Variants in POU6F1 observed in about 807,000 individuals in gnomAD.
POU6F1 encodes the protein POU class 6 homeobox 1.
In POU6F1, 9 loss-of-function variants were observed where a neutral mutation model predicts 28.9. That is an observed-to-expected ratio of 0.31 (90% CI 0.19 to 0.54). The LOEUF (loss-of-function observed/expected upper bound fraction) is 0.54. POU6F1 is among the 20% of genes least tolerant of loss of function. The pLI is 0.94. For missense variants in POU6F1, 338 were observed against 426.1 expected (o/e 0.79, Z 1.82); for synonymous variants, 173 against 171.1 (o/e 1.01, Z -0.09).
At position 51,192,354 on chromosome 12, in the gene POU6F1, G is replaced by C. The variant is rs766659331; in HGVS notation, c.1297C>G (p.Pro433Ala). 2.6e-5 allele frequency: 42 copies of C among 1,614,054 alleles called. No homozygotes were observed. Among genetic ancestry groups the C allele is most frequent in the Non-Finnish European group, 3.4e-5 (40 of 1,180,036 alleles). Reference protein sequence around the residue: ...APIPITCSETPTVSQLVSKPH... With the variant: ...APIPITCSETATVSQLVSKPH... ...CTGGACACCAACTGGCTGACGGTGG[G>C]GGTCTCTGAGCAGGTAATTGGGATA... The change falls in exon 9 of 11, where the codon CCC becomes GCC. Residue 433 changes from proline (P) to alanine (A), a missense_variant. Transcript: ENST00000333640.
At position 51,214,774 on chromosome 12, in the gene POU6F1, C is replaced by T. The variant is rs1027804052; in HGVS notation, c.-48+2868G>A. Among the ~76,000 whole-genome samples, 3 of 151,842 alleles carry T rather than the reference C, an allele frequency of 2.0e-5. No homozygotes were observed. The East Asian group carries it at 5.8e-4, about 29-fold the overall frequency. On this transcript the variant is annotated intron_variant, in intron 1 of 10. Coordinates refer to ENST00000333640, the MANE Select transcript of POU6F1 (RefSeq NM_001330422.2). ...CCAACATGGTGCAACCCTATCTCTACCAAAACATAACAAACCCAAACAAAC... is the reference window on the plus strand; with the variant it reads ...CCAACATGGTGCAACCCTATCTCTATCAAAACATAACAAACCCAAACAAAC...
intron 1 of POU6F1, among the ~76,000 whole-genome samples, chr12:51,213,402 CAG>C (rs1419204925): frequency 6.6e-5 from 10 of 152,048 alleles, no homozygotes; most frequent in Admixed American, 6.6e-4. Flanking sequence ...TTTTCAGAGA[CAG>C]GGTCTTTCCA....
At position 51,199,432 on chromosome 12, in the gene POU6F1, C is replaced by T. The variant is rs1254568450; in HGVS notation, c.366+315G>A. Among the ~76,000 whole-genome samples the T allele has an allele frequency of 1.3e-5, 2 of 152,148 alleles. No homozygotes were observed. Among genetic ancestry groups the T allele is most frequent in the East Asian group, 3.9e-4 (2 of 5,194 alleles). On this transcript the variant is annotated intron_variant, in intron 4 of 10. Transcript: ENST00000333640. The surrounding 1 kb of genome is among the most constrained non-coding windows in gnomAD (Gnocchi z 4.1). ...CTCTTACAGGCATCCACTGGAGGGC[C>T]GGCAAGGGTATTCATTCATTTAGTC... is the stretch of plus-strand genomic sequence containing the variant.
rs139629485 is a variant in POU6F1 at position 51,192,402 on chromosome 12, C to A, written c.1249G>T (p.Ala417Ser). The A allele has an allele frequency of 6.2e-7, 1 of 1,614,074 alleles. No homozygotes were observed. The highest frequency in any genetic ancestry group is 8.5e-7 in the Non-Finnish European group (1 of 1,180,010). Residue 417 changes from alanine to serine, a missense_variant, in exon 9 of 11, where the codon GCC becomes TCC. Coordinates refer to ENST00000333640, the MANE Select transcript of POU6F1 (RefSeq NM_001330422.2). ...ATAGGAGCAGAGGCAGATGGCTTGG[C>A]GGCTGGAGCTGGGCTGGCAATGACC... ...AVVIASPAPAAKPSASAPIPI... is the reference protein window; with the variant it reads ...AVVIASPAPASKPSASAPIPI...
At chr12:51,193,039 C>T (rs1436610183) in intron 8 of POU6F1, among the ~76,000 whole-genome samples, 2 of 152,196 alleles carry the variant, frequency 1.3e-5, no homozygotes, top group Non-Finnish European at 2.9e-5. Context: ...CACAGGCAGG[C>T]GAGAGGCTCA....
In POU6F1 at chr12:51,189,554, G is replaced by C. The variant is rs560604672; in HGVS notation, c.*693C>G. ...TTCCTTCCAACATGGATTAAGAAAAGGTTCTGTTTTAGTGCAATTTTCCCC... is the reference window on the plus strand; with the variant it reads ...TTCCTTCCAACATGGATTAAGAAAACGTTCTGTTTTAGTGCAATTTTCCCC... On this transcript the variant is annotated 3_prime_UTR_variant, in exon 11 of 11. Coordinates refer to ENST00000333640, the MANE Select transcript of POU6F1 (RefSeq NM_001330422.2). 3 of 152,412 alleles carry C rather than the reference G, an allele frequency of 2.0e-5. No individual in the cohort carries two copies. Among genetic ancestry groups the C allele is most frequent in the Non-Finnish European group, 4.4e-5 (3 of 68,234 alleles). The allele number at this position is 152,412 out of a possible 1,614,324, so 9.4% of individuals were successfully genotyped here.
chr12:51,191,770 C>T lies in POU6F1; in HGVS notation c.1322-6G>A. ...CAGACTTGGAGTATGTGGCTCTAGG[C>T]CAGAGGGAGGGAGCAGGGATGAGTG... is the stretch of plus-strand genomic sequence containing the variant. On this transcript the variant is annotated splice_region_variant and splice_polypyrimidine_tract_variant and intron_variant, in intron 9 of 10. Transcript: ENST00000333640. The T allele has an allele frequency of 6.2e-7, 1 of 1,614,086 alleles. No homozygotes were observed. The highest frequency in any genetic ancestry group is 8.5e-7 in the Non-Finnish European group (1 of 1,179,956).
At chr12:51,205,199 C>A (rs1943502249) in intron 2 of POU6F1, among the ~76,000 whole-genome samples, 1 of 151,994 alleles carries the variant, frequency 6.6e-6, no homozygotes. Flanking sequence ...ACCACCACGC[C>A]CGGCTAATTT....
Position 51,190,086 on chromosome 12 carries a change from G to C in POU6F1, c.*161C>G. On this transcript the variant is annotated 3_prime_UTR_variant, in exon 11 of 11. Transcript: ENST00000333640. The surrounding 1 kb of genome is among the most constrained non-coding windows in gnomAD (Gnocchi z 4.5). ...TCCCCATGATGTGAGATGTGTGGGA[G>C]AAAAGAGGGACATTGATGCACATGC... 7.7e-7 allele frequency: 1 copy of C among 1,302,502 alleles called. No homozygotes were observed. Among genetic ancestry groups the C allele is most frequent in the Non-Finnish European group, 1.0e-6 (1 of 975,964 alleles). The allele number at this position is 1,302,502 out of a possible 1,614,324, so 80.7% of individuals were successfully genotyped here.
rs553172879 is a variant in POU6F1, at chr12:51,217,273, C to T, written c.-48+369G>A. On this transcript the variant is annotated intron_variant, in intron 1 of 10. Coordinates refer to ENST00000333640, the MANE Select transcript of POU6F1 (RefSeq NM_001330422.2). The surrounding 1 kb of genome is among the most constrained non-coding windows in gnomAD (Gnocchi z 5.3). ...ACTGGTTCTGTGTACAGAGCGTCCC[C>T]TGTGGTCCGCACCCCACAAGGGCTC... is the stretch of plus-strand genomic sequence containing the variant. 1.6e-4 allele frequency among the ~76,000 whole-genome samples: 25 copies of T among 152,298 alleles called. No individual in the cohort carries two copies. The South Asian group carries it at 4.1e-3, about 25-fold the overall frequency.
intron 1 of POU6F1, among the ~76,000 whole-genome samples, chr12:51,209,559 C>A (rs777932667): frequency 2.0e-5 from 3 of 152,108 alleles, no homozygotes; most frequent in Non-Finnish European, 4.4e-5. Context: ...GTTGTTCTAC[C>A]TTTTGGCTAT....
chr12:51,189,929 T>C lies in POU6F1; in HGVS notation c.*318A>G. ...TTAGCCCTGCCCCAAAGACAGGGAG[T>C]TTCTGGTTCCCCACCAGAATTCACC... On this transcript the variant is annotated 3_prime_UTR_variant, in exon 11 of 11. Transcript: ENST00000333640. The C allele has an allele frequency of 2.9e-6, 1 of 342,864 alleles. No homozygotes were observed. Among genetic ancestry groups the C allele is most frequent in the Non-Finnish European group, 5.5e-6 (1 of 183,222 alleles). The allele number at this position is 342,864 out of a possible 1,614,324, so 21.2% of individuals were successfully genotyped here.
At chr12:51,197,682 C>T (rs1333047332) in intron 6 of POU6F1, 88 bp downstream of exon 6, 4 of 398,626 alleles carry the variant, frequency 1.0e-5, no homozygotes, top group South Asian at 1.3e-4. Context: ...GGGGGGGGCT[C>T]GTCCTCCACT....
At chr12:51,206,202 T>C (rs1015348025) in intron 2 of POU6F1, among the ~76,000 whole-genome samples, 1 of 150,284 alleles carries the variant, frequency 6.7e-6, no homozygotes, top group Non-Finnish European at 1.5e-5. Flanking sequence ...GGTGGGCAGA[T>C]CACGAGGTCA....
Position 51,199,014 on chromosome 12 carries a change from C to T in POU6F1, c.367-239G>A, listed in dbSNP as rs1186392151. 6.6e-6 allele frequency among the ~76,000 whole-genome samples: 1 copy of T among 152,212 alleles called. No homozygotes were observed. The highest frequency in any genetic ancestry group is 1.9e-4 in the East Asian group (1 of 5,178). ...GTCGCCTAAATCCAGGGCAAGGCGG[C>T]CCTGCTCACAGGATGGGAAGGGGGC... is the stretch of plus-strand genomic sequence containing the variant. On this transcript the variant is annotated intron_variant, in intron 4 of 10. Coordinates refer to ENST00000333640, the MANE Select transcript of POU6F1 (RefSeq NM_001330422.2). This position sits in a 1 kb window ranked among gnomAD's most constrained non-coding sequence, Gnocchi z 4.1.
chr12:51,194,272 C>G (rs1461929761), intron 8 of POU6F1, among the ~76,000 whole-genome samples: 1 of 152,078 alleles, frequency 6.6e-6, no homozygotes, highest in East Asian at 1.9e-4. Flanking sequence ...GGTGATCCAC[C>G]CGCCTCGGCC....
In POU6F1 at chr12:51,190,481, C is replaced by A; in HGVS notation, c.1602G>T (p.Met534Ile). Reference sequence around the variant, plus strand: ...TGGAGGGCTCGCCTCCCACAAACTCCATCAGGTTCTGCTGGCCTTCCTGGT... The same window carrying A: ...TGGAGGGCTCGCCTCCCACAAACTCAATCAGGTTCTGCTGGCCTTCCTGGT... ...LRNQEGQQNL[M>I]EFVGGEPSKK... Residue 534 changes from methionine to isoleucine, a missense_variant, in exon 11 of 11, where the codon ATG becomes ATT. Met to Ile is a conservative substitution (Grantham distance 10). Coordinates refer to ENST00000333640, the MANE Select transcript of POU6F1 (RefSeq NM_001330422.2). The surrounding 1 kb of genome is among the most constrained non-coding windows in gnomAD (Gnocchi z 4.5). The A allele has an allele frequency of 3.7e-6, 6 of 1,614,164 alleles. No homozygotes were observed. Among genetic ancestry groups the A allele is most frequent in the Non-Finnish European group, 4.2e-6 (5 of 1,180,016 alleles).
intron 10 of POU6F1, 119 bp downstream of exon 10, chr12:51,191,477 G>A: frequency 8.0e-7 from 1 of 1,243,582 alleles, no homozygotes. Context: ...TCCTTATCTG[G>A]AAAAAGGCTG....
At chr12:51,212,776 CAAAAAAAAA>C (rs1176606531) in intron 1 of POU6F1, among the ~76,000 whole-genome samples, 1 of 37,700 alleles carries the variant, frequency 2.7e-5, no homozygotes, top group Non-Finnish European at 4.2e-5. Flanking sequence ...AACTCCGTCT[CAAAAAAAAA>C]AAAAAAAAAA....
Sources: allele counts gnomAD v4.1 joint callset (sites outside exome capture counted in the v4.1 genomes callset), GRCh38; gene constraint gnomAD v4.1.1; non-coding constraint Gnocchi (gnomAD v3.1); transcripts MANE v1.5; gene names NCBI Gene and HGNC (gene_info 2026-07-23, HGNC 2026-07-21).